CAMSAP1: variants seen among roughly 807,000 people sequenced by gnomAD.
CAMSAP1 encodes the protein calmodulin-regulated spectrin-associated protein 1.
CAMSAP1 carries 58 observed loss-of-function variants against 143.5 expected under a neutral mutation model. The ratio of observed to expected loss-of-function variants is 0.40; its 90% CI spans 0.33 to 0.50. CAMSAP1 has a LOEUF of 0.50. CAMSAP1 is among the 20% of genes least tolerant of loss of function. CAMSAP1 has a pLI of 0.45. For missense variants in CAMSAP1, 1,969 were observed against 2,115.7 expected (o/e 0.93, Z 1.36); for synonymous variants, 945 against 859.3 (o/e 1.10, Z -1.74).
At chr9:135,892,867 A>AAAAAAAAAAAAAAAG (rs1554800261) in intron 1 of CAMSAP1, among the ~76,000 whole-genome samples, 10 of 147,824 alleles carry the variant, frequency 6.8e-5, no homozygotes, top group African/African-American at 2.3e-4. Context: ...AAAAAAAAAA[A>AAAAAAAAAAAAAAAG]GAACTAATCA....
In CAMSAP1 at chr9:135,811,486, T is replaced by A; in HGVS notation, c.4632A>T (p.Pro1544=). The A allele has an allele frequency of 6.2e-7, 1 of 1,611,326 alleles. No individual in the cohort carries two copies. Among genetic ancestry groups the A allele is most frequent in the South Asian group, 1.1e-5 (1 of 90,502 alleles). The change falls in exon 17 of 17, where the codon CCA becomes CCT. Residue 1544 remains proline (P), a synonymous_variant. Transcript: ENST00000389532. The surrounding 1 kb of genome is among the most constrained non-coding windows in gnomAD (Gnocchi z 4.9). ...CGATCATTTTCTTGGTGATGTTCTT[T>A]GGCCCCGTGCCAGTGAGTTTGTAGA... ...EEIYKLTGTG[P]KNITKKMIDK...
intron 5 of CAMSAP1, among the ~76,000 whole-genome samples, chr9:135,861,153 TCCC>T (rs1837172200): frequency 6.6e-6 from 1 of 151,970 alleles, no homozygotes; most frequent in African/African-American, 2.4e-5. Context: ...TCCCAAAAGG[TCCC>T]AGTCACAGCT....
intron 3 of CAMSAP1, among the ~76,000 whole-genome samples, chr9:135,872,112 C>T (rs1397219730): frequency 6.6e-6 from 1 of 150,738 alleles, no homozygotes; most frequent in South Asian, 2.1e-4. Flanking sequence ...AAAAAAAAAA[C>T]GGAAGAGATC....
At chr9:135,842,164 C>T (rs748159960) in intron 7 of CAMSAP1, among the ~76,000 whole-genome samples, 3 of 152,052 alleles carry the variant, frequency 2.0e-5, no homozygotes, top group African/African-American at 4.8e-5. Flanking sequence ...AATGACTTGA[C>T]GGAGCTGAAA....
At position 135,822,638 on chromosome 9, in the gene CAMSAP1, C is replaced by A; in HGVS notation, c.2023G>T (p.Ala675Ser). 3.1e-6 allele frequency: 5 copies of A among 1,610,330 alleles called. No homozygotes were observed. Among genetic ancestry groups the A allele is most frequent in the Non-Finnish European group, 3.4e-6 (4 of 1,177,852 alleles). Reference protein sequence around the residue: ...TETGPLSVETAGEVCGGPLAL... With the variant: ...TETGPLSVETSGEVCGGPLAL... ...AGAGGCCCACCACAGACCTCTCCTG[C>A]GGTTTCCACTGACAGTGGTCCTGTC... is the stretch of plus-strand genomic sequence containing the variant. The change falls in exon 11 of 17, where the codon GCA (alanine) becomes TCA (serine). Residue 675 changes from alanine (A) to serine (S), a missense_variant. Physicochemically the swap from Ala to Ser is moderately conservative, Grantham distance 99. Transcript: ENST00000389532. This position sits in a 1 kb window ranked among gnomAD's most constrained non-coding sequence, Gnocchi z 6.1.
intron 1 of CAMSAP1, among the ~76,000 whole-genome samples, chr9:135,891,429 C>T (rs927052819): frequency 1.3e-5 from 2 of 152,230 alleles, no homozygotes; most frequent in South Asian, 2.1e-4. Context: ...GGGCTTACTC[C>T]TGAGCTGTGT....
At position 135,810,088 on chromosome 9, in the gene CAMSAP1, A is replaced by T. The variant is rs1022293024; in HGVS notation, c.*1221T>A. On this transcript the variant is annotated 3_prime_UTR_variant, in exon 17 of 17. Coordinates refer to ENST00000389532, the MANE Select transcript of CAMSAP1 (RefSeq NM_015447.4). ...CTTCCGGCAGCTGGTCAGTTGCAGC[A>T]GTGTCTGGCAGCCATGGCTGGCACG... is the stretch of plus-strand genomic sequence containing the variant. The T allele has an allele frequency of 2.0e-5, 3 of 152,630 alleles. No individual in the cohort carries two copies. Among genetic ancestry groups the T allele is most frequent in the African/African-American group, 7.2e-5 (3 of 41,466 alleles). The allele number at this position is 152,630 out of a possible 1,614,324, so 9.5% of individuals were successfully genotyped here. A position where few individuals can be genotyped will look rare whatever the true frequency, so the allele number is the denominator to read the frequency against.
intron 3 of CAMSAP1, among the ~76,000 whole-genome samples, chr9:135,871,961 G>A (rs1326579510): frequency 1.3e-5 from 2 of 152,000 alleles, no homozygotes; most frequent in South Asian, 2.1e-4. Context: ...AATTAGCCGG[G>A]CATAGTGGCA....
intron 5 of CAMSAP1, among the ~76,000 whole-genome samples, chr9:135,858,916 G>A (rs1358694087): frequency 6.6e-6 from 1 of 152,198 alleles, no homozygotes; most frequent in Non-Finnish European, 1.5e-5. Flanking sequence ...CAGAGAGGGA[G>A]AGTCCCCCTC....
At chr9:135,900,031 T>C (rs989522301) in intron 1 of CAMSAP1, among the ~76,000 whole-genome samples, 3 of 152,028 alleles carry the variant, frequency 2.0e-5, no homozygotes, top group Non-Finnish European at 2.9e-5. Flanking sequence ...CTCATGTAAG[T>C]TTAACCTTTT....
At chr9:135,874,227 G>T (rs1837657778) in intron 3 of CAMSAP1, among the ~76,000 whole-genome samples, 1 of 152,086 alleles carries the variant, frequency 6.6e-6, no homozygotes, top group South Asian at 2.1e-4. Flanking sequence ...TCCTGGCCAG[G>T]CGTCGGAGGC....
Position 135,812,967 on chromosome 9 carries a change from AAAG to A in CAMSAP1, c.4507-1359_4507-1357del, listed in dbSNP as rs550532153. On this transcript the variant is annotated intron_variant, in intron 16 of 16. Coordinates refer to ENST00000389532, the MANE Select transcript of CAMSAP1 (RefSeq NM_015447.4). ...TGAGACTCCATCTCAAAAAAAAAAA[AAAG>A]AAGAATCTGAAGTATGACAAACTGC... 7.8e-3 allele frequency among the ~76,000 whole-genome samples: 1,190 copies of A among 152,298 alleles called. 11 individuals carry two copies. Among genetic ancestry groups the A allele is most frequent in the South Asian group, 0.017 (80 of 4,824 alleles).
At position 135,881,755 on chromosome 9, in the gene CAMSAP1, A is replaced by T; in HGVS notation, c.463T>A (p.Tyr155Asn). ...MAMVDALMMAYTVEMISIEKV... is the reference protein window; with the variant it reads ...MAMVDALMMANTVEMISIEKV... ...TCGATGCTGATCATCTCCACAGTGT[A>T]GGCCATCATCAGGGCATCCACCATT... The change falls in exon 3 of 17, where the codon TAC becomes AAC. Residue 155 changes from tyrosine to asparagine, a missense_variant. This residue lies in a region of CAMSAP1 where 221 missense variants were observed against 298.2 expected (regional missense o/e 0.74). Transcript: ENST00000389532. The T allele has an allele frequency of 6.4e-7, 1 of 1,551,932 alleles. No homozygotes were observed. Among genetic ancestry groups the T allele is most frequent in the South Asian group, 1.2e-5 (1 of 84,064 alleles).
chr9:135,904,895 G>A (rs1368482595), intron 1 of CAMSAP1, among the ~76,000 whole-genome samples: 1 of 152,104 alleles, frequency 6.6e-6, no homozygotes, highest in Admixed American at 6.6e-5. Flanking sequence ...AACCCAGGAG[G>A]TGGCGGTTGC....
chr9:135,890,700 GTCTC>G (rs1337625387), intron 1 of CAMSAP1, among the ~76,000 whole-genome samples: 3 of 152,186 alleles, frequency 2.0e-5, no homozygotes, highest in Admixed American at 6.5e-5. Flanking sequence ...ATCTGTTCCT[GTCTC>G]CAAGGGACCG....
Position 135,823,995 on chromosome 9 carries a change from C to T in CAMSAP1, c.1355G>A (p.Gly452Asp). Residue 452 changes from glycine to aspartate, a missense_variant, in exon 10 of 17, where the codon GGT becomes GAT. By Grantham distance (94) the Gly-to-Asp change is moderately conservative (BLOSUM62 -1). Coordinates refer to ENST00000389532, the MANE Select transcript of CAMSAP1 (RefSeq NM_015447.4). ...HRSNSLTRVD[G>D]QPRGAAIAWP... is the part of the protein sequence containing the mutation. Reference sequence around the variant, plus strand: ...GGCTATTGCTGCTCCTCGAGGCTGACCATCAACTCGGGTCAAAGAATTCGA... The same window carrying T: ...GGCTATTGCTGCTCCTCGAGGCTGATCATCAACTCGGGTCAAAGAATTCGA... 3.1e-6 allele frequency: 5 copies of T among 1,589,674 alleles called. No homozygotes were observed. The highest frequency in any genetic ancestry group is 4.3e-6 in the Non-Finnish European group (5 of 1,167,676).
At chr9:135,817,318 T>C (rs1307347534) in intron 14 of CAMSAP1, among the ~76,000 whole-genome samples, 1 of 152,210 alleles carries the variant, frequency 6.6e-6, no homozygotes, top group Non-Finnish European at 1.5e-5. Flanking sequence ...ATTCTCGTTC[T>C]AGGAAATACA....
intron 3 of CAMSAP1, among the ~76,000 whole-genome samples, chr9:135,876,887 T>A (rs1197445433): frequency 3.9e-5 from 6 of 152,046 alleles, no homozygotes; most frequent in Non-Finnish European, 7.4e-5. Context: ...CAGGCGCCTG[T>A]AATCTCAGCT....
intron 7 of CAMSAP1, among the ~76,000 whole-genome samples, chr9:135,831,041 G>T (rs549078676): frequency 1.3e-5 from 2 of 151,924 alleles, no homozygotes; most frequent in Non-Finnish European, 2.9e-5. Flanking sequence ...GCGTGGTGGC[G>T]GGCGCCTGTA....
Sources: gnomAD v4.1 joint callset for allele counts (sites outside exome capture counted in the v4.1 genomes callset) on GRCh38, gnomAD v4.1.1 for gene constraint, gnomAD v4.1.1 regional missense constraint, Gnocchi (gnomAD v3.1) non-coding constraint, MANE v1.5 for transcripts, NCBI Gene and HGNC (gene_info 2026-07-23, HGNC 2026-07-21) for gene names.